PPFIA4: variants seen among roughly 807,000 people sequenced by gnomAD.
PPFIA4 encodes liprin-alpha-4.
Under a neutral mutation model 145.7 loss-of-function variants are expected in PPFIA4, and 98 were observed. The observed-to-expected ratio is 0.67, with a 90% CI of 0.57 to 0.80. The LOEUF (loss-of-function observed/expected upper bound fraction) is 0.80. PPFIA4 is among the 30% of genes least tolerant of loss of function. PPFIA4 has a pLI of 0.00. For synonymous variants in PPFIA4, 628 were observed against 649.6 expected, an observed-to-expected ratio of 0.97 and a Z score of 0.51; for missense variants, 1,457 against 1,632.7, an observed-to-expected ratio of 0.89 and a Z score of 1.85.
At position 203,072,251 on chromosome 1, in the gene PPFIA4, C is replaced by T. The variant is rs116901945; in HGVS notation, c.3393+491C>T. Among the ~76,000 whole-genome samples the T allele has an allele frequency of 1.1e-3, 172 of 152,292 alleles. No homozygotes were observed. In the South Asian group the frequency reaches 0.012, roughly 11 times the overall value. On this transcript the variant is annotated intron_variant, in intron 28 of 29. Coordinates refer to ENST00000295706, the MANE Select transcript of PPFIA4 (RefSeq NM_001304331.2). ...TTGTTAAATGACAGGTTTGCTCTCT[C>T]GCTCCCAGTGCAGTCTGCACAGTTA...
chr1:203,071,422 C>T (rs1339273343), intron 27 of PPFIA4, among the ~76,000 whole-genome samples: 5 of 80,244 alleles, frequency 6.2e-5, no homozygotes, highest in East Asian at 3.1e-4. Context: ...CTACCCGCCT[C>T]GGCCTCCCAA....
intron 2 of PPFIA4, among the ~76,000 whole-genome samples, chr1:203,042,451 TC>T (rs1417789191): frequency 6.6e-6 from 1 of 152,240 alleles, no homozygotes; most frequent in East Asian, 1.9e-4. Flanking sequence ...TGAGCAGGGC[TC>T]CTAGAAAGCC....
In PPFIA4 at chr1:203,051,251, T is replaced by A. The variant is rs76434513; in HGVS notation, c.1512-518T>A. 8.0e-4 allele frequency: 790 copies of A among 985,690 alleles called. 4 individuals carry two copies. In the African/African-American group the frequency reaches 0.013, roughly 16 times the overall value. 61.1% of individuals were successfully genotyped at this position (985,690 alleles called of 1,614,324 possible). A position where few individuals can be genotyped will look rare whatever the true frequency, so the allele number is the denominator to read the frequency against. ...AGCTTCCTAGGCATAGGGGTATGCCTGGCTTGAATTTTAACCAGGGACTCA... is the reference window on the plus strand; with the variant it reads ...AGCTTCCTAGGCATAGGGGTATGCCAGGCTTGAATTTTAACCAGGGACTCA... On this transcript the variant is annotated intron_variant, in intron 13 of 29. Transcript: ENST00000295706.
In PPFIA4 at chr1:203,045,869, A is replaced by T. The variant is rs770606633; in HGVS notation, c.887A>T (p.Glu296Val). 1.1e-5 allele frequency: 18 copies of T among 1,612,712 alleles called. No homozygotes were observed. Among genetic ancestry groups the T allele is most frequent in the Non-Finnish European group, 1.3e-5 (15 of 1,179,890 alleles). ...EALAQKEDME[E>V]RITTLEKRYL... The stretch of plus-strand genomic sequence containing the variant: ...CTGGCCCAGAAGGAGGACATGGAAG[A>T]GCGGATTACTACACTGGAGAAGCGC... The change falls in exon 8 of 30, where the codon GAG (glutamate) becomes GTG (valine). Residue 296 changes from glutamate (E) to valine (V), a missense_variant. Glu to Val is a moderately radical substitution (Grantham distance 121, BLOSUM62 -2). Around this residue, in one of 3 missense-constraint regions of PPFIA4, gnomAD observed 463 missense variants for 459.8 expected, o/e 1.01. Coordinates refer to ENST00000295706, the MANE Select transcript of PPFIA4 (RefSeq NM_001304331.2).
chr1:203,035,478 C>T, intron 1 of PPFIA4: 1 of 375,476 alleles, frequency 2.7e-6, no homozygotes, highest in Admixed American at 3.1e-5. Context: ...GGCCCAAGGC[C>T]TACTTTTTGT....
At position 203,056,769 on chromosome 1, in the gene PPFIA4, G is replaced by T; in HGVS notation, c.2241-15G>T. On this transcript the variant is annotated splice_polypyrimidine_tract_variant and intron_variant, in intron 18 of 29. Coordinates refer to ENST00000295706, the MANE Select transcript of PPFIA4 (RefSeq NM_001304331.2). ...TTTCTTCTTATTCCGCCCCCTTCTG[G>T]CTGTCACCCTGTAGTGCCTTGGAGG... 6.3e-7 allele frequency: 1 copy of T among 1,579,866 alleles called. No individual in the cohort carries two copies. Among genetic ancestry groups the T allele is most frequent in the Non-Finnish European group, 8.6e-7 (1 of 1,156,268 alleles).
At chr1:203,027,934 A>G (rs1293400879) in intron 1 of PPFIA4, among the ~76,000 whole-genome samples, 2 of 152,144 alleles carry the variant, frequency 1.3e-5, no homozygotes, top group African/African-American at 4.8e-5. Flanking sequence ...CCCTACCACT[A>G]TTAACTGGCC....
chr1:203,047,759 G>T (rs1248807655), intron 9 of PPFIA4, among the ~76,000 whole-genome samples: 8 of 152,322 alleles, frequency 5.3e-5, no homozygotes, highest in South Asian at 2.1e-4. Flanking sequence ...ACATTTTACA[G>T]TTGTGGAAAC....
At chr1:203,062,006 C>A (rs1372918902) in intron 24 of PPFIA4, among the ~76,000 whole-genome samples, 1 of 152,146 alleles carries the variant, frequency 6.6e-6, no homozygotes, top group Non-Finnish European at 1.5e-5. Flanking sequence ...CAGGGGCACC[C>A]TGGTGAACTG....
chr1:203,068,717 ATC>A lies in PPFIA4; in HGVS notation c.3324+91_3324+92del. The A allele has an allele frequency of 7.6e-7, 1 of 1,319,908 alleles. No individual in the cohort carries two copies. The highest frequency in any genetic ancestry group is 9.9e-7 in the Non-Finnish European group (1 of 1,007,496). The allele number at this position is 1,319,908 out of a possible 1,614,324, so 81.8% of individuals were successfully genotyped here. ...TTCCCTCATACACAAAGGCTTAGGT[ATC>A]TTGGGGGGTGGGGAGCTTTTCTAGG... On this transcript the variant is annotated intron_variant, in intron 27 of 29. Coordinates refer to ENST00000295706, the MANE Select transcript of PPFIA4 (RefSeq NM_001304331.2). The surrounding 1 kb of genome is among the most constrained non-coding windows in gnomAD (Gnocchi z 4.7).
Position 203,045,459 on chromosome 1 carries a change from C to T in PPFIA4, c.758C>T (p.Thr253Ile), listed in dbSNP as rs1299161984. 6.2e-7 allele frequency: 1 copy of T among 1,609,880 alleles called. No individual in the cohort carries two copies. The highest frequency in any genetic ancestry group is 8.5e-7 in the Non-Finnish European group (1 of 1,178,788). ...GCCCGGGAGCGACTGGTCACCCTAACAACAACCGTGACTGAACTCGAGGAG... is the reference window on the plus strand; with the variant it reads ...GCCCGGGAGCGACTGGTCACCCTAATAACAACCGTGACTGAACTCGAGGAG... ...SQARERLVTL[T>I]TTVTELEEDL... Residue 253 changes from threonine (T) to isoleucine (I), a missense_variant, in exon 7 of 30, where the codon ACA becomes ATA. Coordinates refer to ENST00000295706, the MANE Select transcript of PPFIA4 (RefSeq NM_001304331.2).
chr1:203,051,955 T>C lies in PPFIA4; in HGVS notation c.1620+78T>C, dbSNP rs1397649044. 3.4e-6 allele frequency: 5 copies of C among 1,488,210 alleles called. No homozygotes were observed. The East Asian group carries it at 9.8e-5, about 29-fold the overall frequency. 92.2% of individuals were successfully genotyped at this position (1,488,210 alleles called of 1,614,324 possible). On this transcript the variant is annotated intron_variant, in intron 14 of 29. Coordinates refer to ENST00000295706, the MANE Select transcript of PPFIA4 (RefSeq NM_001304331.2). ...GCCTGGCTCCAGTTACGCAGACGGC[T>C]GGTGTGTGGGGCAAATCCTTCCCCT...
chr1:203,076,245 G>A, intron 29 of PPFIA4, 96 bp from the exon 30 acceptor site: 1 of 1,371,886 alleles, frequency 7.3e-7, no homozygotes, highest in East Asian at 2.3e-5. Flanking sequence ...CTTGGAGCAC[G>A]CTGCGTTGCC....
chr1:203,054,358 A>G (rs1008361815), intron 15 of PPFIA4, among the ~76,000 whole-genome samples: 1 of 152,200 alleles, frequency 6.6e-6, no homozygotes, highest in African/African-American at 2.4e-5. Flanking sequence ...TGTTTTACAG[A>G]CAAGGGAACA....
chr1:203,065,758 A>T (rs757522752), intron 25 of PPFIA4, among the ~76,000 whole-genome samples: 1 of 152,236 alleles, frequency 6.6e-6, no homozygotes, highest in Non-Finnish European at 1.5e-5. Context: ...TATTTTACAG[A>T]TAAGGAAAAC....
chr1:203,057,466 G>A (rs985338134), intron 19 of PPFIA4, among the ~76,000 whole-genome samples: 6 of 152,210 alleles, frequency 3.9e-5, no homozygotes, highest in African/African-American at 1.4e-4. Flanking sequence ...CTCTGTGATA[G>A]TATAAATGTC....
chr1:203,076,333 TC>T lies in PPFIA4; in HGVS notation c.3575-5del. ...ACAGTGCGATGCCTGTCTCTCTCTCTCCCTCAGCTCACTCCCACTATCTCTA... is the reference window on the plus strand; with the variant it reads ...ACAGTGCGATGCCTGTCTCTCTCTCTCCTCAGCTCACTCCCACTATCTCTA... On this transcript the variant is annotated splice_region_variant and splice_polypyrimidine_tract_variant and intron_variant, in intron 29 of 29. Coordinates refer to ENST00000295706, the MANE Select transcript of PPFIA4 (RefSeq NM_001304331.2). 2 of 1,604,118 alleles carry T rather than the reference TC, an allele frequency of 1.2e-6. No individual in the cohort carries two copies.
At chr1:203,049,886 G>A in intron 13 of PPFIA4, 119 bp downstream of exon 13, 1 of 848,050 alleles carries the variant, frequency 1.2e-6, no homozygotes, top group Non-Finnish European at 1.7e-6. Context: ...TGTTCAGGGT[G>A]GGACACTGAG....
rs1400860551 is a variant in PPFIA4, at chr1:203,048,117, C to T, written c.1141-110C>T. 5.4e-6 allele frequency: 5 copies of T among 923,960 alleles called. No homozygotes were observed. Among genetic ancestry groups the T allele is most frequent in the Non-Finnish European group, 8.6e-6 (5 of 580,620 alleles). 57.2% of individuals were successfully genotyped at this position (923,960 alleles called of 1,614,324 possible). A position where few individuals can be genotyped will look rare whatever the true frequency, so the allele number is the denominator to read the frequency against. On this transcript the variant is annotated intron_variant, in intron 9 of 29. Transcript: ENST00000295706. The surrounding 1 kb of genome is among the most constrained non-coding windows in gnomAD (Gnocchi z 5.8). Reference sequence around the variant, plus strand: ...AAGTGGAGGCTGAGCGTCACTGGTACTGGGGGCCATGATCCCCAGGGCCAC... The same window carrying T: ...AAGTGGAGGCTGAGCGTCACTGGTATTGGGGGCCATGATCCCCAGGGCCAC...
Sources: allele counts gnomAD v4.1 joint callset (sites outside exome capture counted in the v4.1 genomes callset), GRCh38; gene constraint gnomAD v4.1.1; regional missense constraint gnomAD v4.1.1; non-coding constraint Gnocchi (gnomAD v3.1); transcripts MANE v1.5; gene names NCBI Gene and HGNC (gene_info 2026-07-23, HGNC 2026-07-21).